The following UBE2E2 variants were observed in gnomAD, a reference collection of about 807,000 sequenced individuals.
UBE2E2 encodes ubiquitin-conjugating enzyme E2 E2.
A neutral mutation model predicts 24.7 loss-of-function variants in UBE2E2; 6 were observed. The observed-to-expected ratio is 0.24, with a 90% CI of 0.13 to 0.48. The LOEUF (loss-of-function observed/expected upper bound fraction) is 0.48, where lower values mean the gene tolerates loss of function less well. UBE2E2 is among the 20% of genes least tolerant of loss of function. The pLI is 0.99. For missense variants in UBE2E2, 169 were observed against 245.0 expected (o/e 0.69, Z 2.07); for synonymous variants, 104 against 83.6 (o/e 1.24, Z -1.33).
At chr3:23,257,078 T>C (rs6771053) in intron 3 of UBE2E2, among the ~76,000 whole-genome samples, 52,402 of 152,114 alleles carry the variant, frequency 0.34, 9,267 homozygotes, top group South Asian at 0.4. Context: ...TTATGGACCA[T>C]GTATTCTTTT....
intron 3 of UBE2E2, among the ~76,000 whole-genome samples, chr3:23,291,633 A>G (rs888049880): frequency 1.3e-5 from 2 of 151,844 alleles, no homozygotes; most frequent in Non-Finnish European, 2.9e-5. Flanking sequence ...GAGAAAAATA[A>G]AACAATGTAA....
intron 3 of UBE2E2, among the ~76,000 whole-genome samples, chr3:23,462,671 C>T (rs1318645085): frequency 6.6e-6 from 1 of 152,158 alleles, no homozygotes; most frequent in African/African-American, 2.4e-5. Flanking sequence ...CAGACCAATT[C>T]TACGTCAGAT....
At chr3:23,560,109 G>T (rs570455322) in intron 5 of UBE2E2, among the ~76,000 whole-genome samples, 2 of 151,758 alleles carry the variant, frequency 1.3e-5, no homozygotes, top group Admixed American at 1.3e-4. Context: ...TGTGCACAAC[G>T]TGCAGGTTTG....
rs554144397 is a variant in UBE2E2, at chr3:23,231,835, A to G, written c.227+14523A>G. On this transcript the variant is annotated intron_variant, in intron 3 of 5. Transcript: ENST00000396703. ...TACAAAGGATATTTTAAAAGGATAC[A>G]AGTAAACAGCCAGATGAAAAGATAT... Among the ~76,000 whole-genome samples, 15 of 152,218 alleles carry G rather than the reference A, an allele frequency of 9.9e-5. No homozygotes were observed. In the South Asian group the frequency reaches 1.7e-3, roughly 17 times the overall value.
chr3:23,526,440 C>T (rs1028117798), intron 4 of UBE2E2, among the ~76,000 whole-genome samples: 1 of 152,150 alleles, frequency 6.6e-6, no homozygotes, highest in Non-Finnish European at 1.5e-5. Context: ...CCTCAGAGAC[C>T]ACGAGCCTGT....
At chr3:23,397,744 A>T (rs767743240) in intron 3 of UBE2E2, among the ~76,000 whole-genome samples, 1 of 152,198 alleles carries the variant, frequency 6.6e-6, no homozygotes, top group South Asian at 2.1e-4. Flanking sequence ...TCCATTTATA[A>T]CTATAGCACA....
intron 5 of UBE2E2, among the ~76,000 whole-genome samples, chr3:23,555,169 G>T (rs752938012): frequency 1.3e-5 from 2 of 151,982 alleles, no homozygotes; most frequent in Non-Finnish European, 2.9e-5. Context: ...CACCCGCCTC[G>T]GCCTCAAAGT....
At chr3:23,282,182 A>C (rs1027042734) in intron 3 of UBE2E2, among the ~76,000 whole-genome samples, 3 of 152,214 alleles carry the variant, frequency 2.0e-5, no homozygotes, top group African/African-American at 7.2e-5. Context: ...ATTGCAGTGA[A>C]TACAGTTGGA....
At chr3:23,213,026 C>T (rs536456437) in intron 2 of UBE2E2, among the ~76,000 whole-genome samples, 83 of 151,996 alleles carry the variant, frequency 5.5e-4, no homozygotes, top group African/African-American at 1.8e-3. Flanking sequence ...GGAAGGTTTT[C>T]GCTAGGTGAT....
intron 3 of UBE2E2, among the ~76,000 whole-genome samples, chr3:23,223,014 G>GCCCC (rs368747645): frequency 1.5e-5 from 1 of 65,562 alleles, no homozygotes; most frequent in African/African-American, 6.7e-5. Context: ...TACATCTTTT[G>GCCCC]CCCCCCCCCC....
At chr3:23,577,919 TG>T (rs2125516662) in intron 5 of UBE2E2, among the ~76,000 whole-genome samples, 1 of 151,676 alleles carries the variant, frequency 6.6e-6, no homozygotes, top group African/African-American at 2.4e-5. Flanking sequence ...CTGTGCTCTC[TG>T]AGTGGAAGAA....
At chr3:23,564,348 T>A (rs1350622971) in intron 5 of UBE2E2, among the ~76,000 whole-genome samples, 1 of 152,198 alleles carries the variant, frequency 6.6e-6, no homozygotes, top group East Asian at 1.9e-4. Flanking sequence ...AAGCATTCAT[T>A]AAATCTCTCA....
At chr3:23,510,013 T>C (rs1694554095) in intron 4 of UBE2E2, among the ~76,000 whole-genome samples, 1 of 152,126 alleles carries the variant, frequency 6.6e-6, no homozygotes, top group Non-Finnish European at 1.5e-5. Context: ...GTCTTTGCTA[T>C]TGTGAATAGT....
chr3:23,446,459 C>T (rs1014046522), intron 3 of UBE2E2, among the ~76,000 whole-genome samples: 14 of 152,168 alleles, frequency 9.2e-5, no homozygotes, highest in African/African-American at 2.9e-4. Flanking sequence ...TGAAGATATC[C>T]CGGCTGACTG....
At chr3:23,221,891 T>C (rs567698733) in intron 3 of UBE2E2, among the ~76,000 whole-genome samples, 1 of 152,328 alleles carries the variant, frequency 6.6e-6, no homozygotes, top group South Asian at 2.1e-4. Context: ...TTTTTAAAAA[T>C]ATTTTTAATT....
At chr3:23,429,389 A>G (rs1177986494) in intron 3 of UBE2E2, among the ~76,000 whole-genome samples, 37 of 152,302 alleles carry the variant, frequency 2.4e-4, no homozygotes, top group Non-Finnish European at 5.9e-5. Flanking sequence ...ATTTTAACAA[A>G]ATACTAGCAA....
chr3:23,484,175 G>A (rs2125444247), intron 3 of UBE2E2, among the ~76,000 whole-genome samples: 1 of 152,260 alleles, frequency 6.6e-6, no homozygotes, highest in East Asian at 1.9e-4. Context: ...TCCATGAAGT[G>A]CCTTTAGCCT....
intron 3 of UBE2E2, among the ~76,000 whole-genome samples, chr3:23,297,088 T>C (rs1437693127): frequency 6.6e-6 from 1 of 152,272 alleles, no homozygotes; most frequent in Non-Finnish European, 1.5e-5. Context: ...CATGTGTTTT[T>C]GGGCTGCATA....
chr3:23,329,202 G>GT, intron 3 of UBE2E2, among the ~76,000 whole-genome samples: 1 of 152,136 alleles, frequency 6.6e-6, no homozygotes, highest in East Asian at 1.9e-4. Context: ...GGGAAAGTCA[G>GT]TATTTTGAAA....
Sources: gnomAD v4.1 joint callset for allele counts (sites outside exome capture counted in the v4.1 genomes callset) on GRCh38, gnomAD v4.1.1 for gene constraint, MANE v1.5 for transcripts, NCBI Gene and HGNC (gene_info 2026-07-23, HGNC 2026-07-21) for gene names.